Variants in BFSP1 observed in about 807,000 individuals in gnomAD.
BFSP1 encodes beaded filament structural protein 1, also known as filensin.
BFSP1 carries 38 observed loss-of-function variants against 43.9 expected under a neutral mutation model. The observed-to-expected ratio is 0.87, with a 90% CI of 0.67 to 1.14. BFSP1 has a LOEUF of 1.14. BFSP1 is among the 50% of genes most tolerant of loss of function. BFSP1 has a pLI of 0.00. For synonymous variants in BFSP1, 352 were observed against 354.8 expected (o/e 0.99, Z 0.09); for missense variants, 850 against 875.1 (o/e 0.97, Z 0.36).
chr20:17,521,738 G>A (rs1005843984), intron 2 of BFSP1, among the ~76,000 whole-genome samples: 2 of 152,176 alleles, frequency 1.3e-5, no homozygotes, highest in Non-Finnish European at 2.9e-5. Flanking sequence ...GGCTTATCTG[G>A]GAGGTGATCC....
intron 1 of BFSP1, chr20:17,565,697 TGAG>T (rs1206809671): frequency 2.0e-5 from 3 of 152,246 alleles, no homozygotes; most frequent in African/African-American, 7.2e-5. Flanking sequence ...TGGTTACCTC[TGAG>T]GAGAGGACTG....
intron 1 of BFSP1, among the ~76,000 whole-genome samples, chr20:17,550,169 G>C (rs2424084): frequency 0.37 from 56,401 of 151,850 alleles, 12,713 homozygotes; most frequent in South Asian, 0.53. Flanking sequence ...ACCAAGAGGG[G>C]GTTCTTGGAC....
At chr20:17,508,859 C>T in intron 5 of BFSP1, 30 bp downstream of exon 5, 1 of 1,519,012 alleles carries the variant, frequency 6.6e-7, no homozygotes, top group Non-Finnish European at 8.8e-7. Flanking sequence ...GTGGGAAGCC[C>T]CAATGCACAC....
chr20:17,554,476 G>T (rs2034957710), intron 1 of BFSP1, among the ~76,000 whole-genome samples: 1 of 152,146 alleles, frequency 6.6e-6, no homozygotes, highest in Admixed American at 6.5e-5. Flanking sequence ...CAATTGTTTG[G>T]CATTAGCGAA....
intron 7 of BFSP1, 88 bp from the exon 8 acceptor site, chr20:17,495,117 C>T (rs537394879): frequency 9.7e-6 from 12 of 1,242,520 alleles, no homozygotes; most frequent in African/African-American, 4.5e-5. Context: ...CTAACTCTCT[C>T]GGAAACAAAC....
intron 4 of BFSP1, among the ~76,000 whole-genome samples, chr20:17,511,346 T>C (rs1470430689): frequency 6.6e-6 from 1 of 152,196 alleles, no homozygotes; most frequent in African/African-American, 2.4e-5. Flanking sequence ...TTAGCAGAGC[T>C]CCGTCTTGGA....
chr20:17,553,829 A>G (rs1194915489), intron 1 of BFSP1, among the ~76,000 whole-genome samples: 1 of 95,596 alleles, frequency 1.0e-5, no homozygotes, highest in Non-Finnish European at 1.9e-5. Context: ...ACACACATAT[A>G]TATATATACA....
chr20:17,529,291 G>A lies in BFSP1; in HGVS notation c.377+1662C>T, dbSNP rs113625092. Among the ~76,000 whole-genome samples, 625 of 152,330 alleles carry A rather than the reference G, an allele frequency of 4.1e-3. 4 individuals carry two copies. Among genetic ancestry groups the A allele is most frequent in the African/African-American group, 0.014 (598 of 41,564 alleles). On this transcript the variant is annotated intron_variant, in intron 1 of 7. Coordinates refer to ENST00000377873, the MANE Select transcript of BFSP1 (RefSeq NM_001195.5). The stretch of plus-strand genomic sequence containing the variant: ...GGGTTTCACAATGTTGGCCAGGCTG[G>A]TCTGGAACTCCTGACCTCAAGTGTT...
upstream of BFSP1, among the ~76,000 whole-genome samples, chr20:17,563,886 A>AG (rs1491113211): frequency 2.3e-4 from 22 of 96,946 alleles, no homozygotes; most frequent in African/African-American, 1.0e-3. Context: ...GACCGTGTCT[A>AG]AAAAAAAAAA....
At chr20:17,504,233 G>C (rs2269044) in intron 5 of BFSP1, among the ~76,000 whole-genome samples, 46 of 152,164 alleles carry the variant, frequency 3.0e-4, no homozygotes, top group Admixed American at 1.4e-3. Flanking sequence ...GATGCTCTAC[G>C]GGATTCTGCT....
At chr20:17,567,852 ACT>A (rs1424653444) in intron 1 of BFSP1, among the ~76,000 whole-genome samples, 1 of 149,748 alleles carries the variant, frequency 6.7e-6, no homozygotes, top group Non-Finnish European at 1.5e-5. Flanking sequence ...CAAGAGTGAA[ACT>A]CAGTCTCAAA....
intron 2 of BFSP1, among the ~76,000 whole-genome samples, chr20:17,515,149 C>A (rs967042074): frequency 1.8e-4 from 27 of 152,110 alleles, no homozygotes; most frequent in African/African-American, 6.3e-4. Context: ...CTGCTAAATA[C>A]CCTACAATAC....
At chr20:17,501,251 G>GA (rs1338124418) in intron 5 of BFSP1, among the ~76,000 whole-genome samples, 1 of 152,226 alleles carries the variant, frequency 6.6e-6, no homozygotes, top group Non-Finnish European at 1.5e-5. Context: ...TTCCTTAAGT[G>GA]AAAATGTAGC....
chr20:17,514,540 T>TCAAAGCA, intron 3 of BFSP1, among the ~76,000 whole-genome samples, 181 bp downstream of exon 3: 1 of 152,254 alleles, frequency 6.6e-6, no homozygotes, highest in East Asian at 1.9e-4. Context: ...TGCCCACTCT[T>TCAAAGCA]CAAAGCACAT....
intron 1 of BFSP1, among the ~76,000 whole-genome samples, chr20:17,546,476 G>A (rs2034802523): frequency 6.6e-6 from 1 of 152,172 alleles, no homozygotes. Flanking sequence ...CAAGGCAGGT[G>A]GATCACCTGA....
chr20:17,557,091 C>A (rs1424836810), intron 1 of BFSP1, among the ~76,000 whole-genome samples: 2 of 152,136 alleles, frequency 1.3e-5, no homozygotes, highest in African/African-American at 2.4e-5. Flanking sequence ...CAGAGACACT[C>A]CTGCCACTGC....
At chr20:17,557,764 G>A (rs1177148946) in intron 1 of BFSP1, among the ~76,000 whole-genome samples, 3 of 152,088 alleles carry the variant, frequency 2.0e-5, no homozygotes, top group African/African-American at 7.3e-5. Flanking sequence ...GTGTGTTGGG[G>A]GGTGATTCTA....
chr20:17,529,450 T>A (rs1057336165), intron 1 of BFSP1, among the ~76,000 whole-genome samples: 1 of 152,080 alleles, frequency 6.6e-6, no homozygotes, highest in Admixed American at 6.5e-5. Context: ...TGTCTCCCAA[T>A]TGCTCAGTTC....
At chr20:17,535,609 T>G (rs924702439), upstream of BFSP1, among the ~76,000 whole-genome samples, 1 of 152,094 alleles carries the variant, frequency 6.6e-6, no homozygotes, top group Non-Finnish European at 1.5e-5. Context: ...TGATTCTGAA[T>G]AAAATGACAT....
Sources: allele counts gnomAD v4.1 joint callset (sites outside exome capture counted in the v4.1 genomes callset), GRCh38; gene constraint gnomAD v4.1.1; transcripts MANE v1.5; gene names NCBI Gene and HGNC (gene_info 2026-07-23, HGNC 2026-07-21).